The following XRN1 variants were observed in gnomAD, a reference collection of about 807,000 sequenced individuals.
XRN1 encodes 5'-3' exoribonuclease 1.
Under a neutral mutation model 222.3 loss-of-function variants are expected in XRN1, and 67 were observed. The observed-to-expected ratio is 0.30, with a 90% CI of 0.25 to 0.37. XRN1 has a LOEUF of 0.37. Ranked by LOEUF, XRN1 falls within the 10% of genes least tolerant of loss-of-function variation. The pLI, the probability that XRN1 is intolerant of heterozygous loss-of-function variation, is 1.00. For synonymous variants in XRN1, 643 were observed against 652.4 expected (o/e 0.99, Z 0.22); for missense variants, 1,707 against 2,000.2 (o/e 0.85, Z 2.80).
intron 4 of XRN1, 44 bp from the exon 5 acceptor site, chr3:142,425,376 T>C (rs768691682): frequency 1.3e-6 from 2 of 1,583,536 alleles, no homozygotes. Context: ...TGGTATATGC[T>C]TGAGAATATT....
intron 22 of XRN1, among the ~76,000 whole-genome samples, chr3:142,381,091 C>T (rs1352677848): frequency 1.3e-5 from 2 of 149,236 alleles, no homozygotes; most frequent in African/African-American, 4.9e-5. Context: ...TAGAGCGAGA[C>T]TCTGTCTCCA....
chr3:142,366,205 CTAAAAAAATT>C (rs1461195911), intron 27 of XRN1, among the ~76,000 whole-genome samples: 1 of 152,082 alleles, frequency 6.6e-6, no homozygotes, highest in Admixed American at 6.5e-5. Context: ...ACTATTCATA[CTAAAAAAATT>C]TAAAGTTAAT....
intron 2 of XRN1, among the ~76,000 whole-genome samples, chr3:142,431,894 TATATATATTATATATATA>T (rs2069575631): frequency 1.8e-4 from 6 of 32,618 alleles, no homozygotes; most frequent in Non-Finnish European, 2.7e-4. Flanking sequence ...TTATATATAA[TATATATATTATATATATA>T]AATATATATA....
At chr3:142,373,711 GGT>G (rs1224458277) in intron 25 of XRN1, among the ~76,000 whole-genome samples, 1 of 152,190 alleles carries the variant, frequency 6.6e-6, no homozygotes, top group Non-Finnish European at 1.5e-5. Context: ...GGGAAGGCCA[GGT>G]GTTGTGGCTC....
At position 142,447,760 on chromosome 3, in the gene XRN1, T is replaced by C. The variant is rs981007901; in HGVS notation, c.75+110A>G. On this transcript the variant is annotated intron_variant, in intron 1 of 40. Coordinates refer to ENST00000392981, the MANE Select transcript of XRN1 (RefSeq NM_001282857.2). The surrounding 1 kb of genome is among the most constrained non-coding windows in gnomAD (Gnocchi z 4.2). ...TCCCCCTCCCTAATGCCACTAATCG[T>C]CCAGACGACGAGGGGAAAGAGGTGG... 6.2e-6 allele frequency: 8 copies of C among 1,283,272 alleles called. No homozygotes were observed. In the East Asian group the frequency reaches 1.4e-4, roughly 23 times the overall value. 79.5% of individuals were successfully genotyped at this position (1,283,272 alleles called of 1,614,324 possible).
chr3:142,425,471 G>A lies in XRN1; in HGVS notation c.474C>T (p.Asp158=), dbSNP rs148519163. The part of the protein sequence containing the change: ...KYFVNMKIST[D]KSWQGVTIYF... ...AGATGGTAACTCCTTGCCATGACTT[G>A]TCTGTGGAAATTTTCATATTTACAA... Residue 158 remains aspartate (D), a synonymous_variant, in exon 4 of 41, where the codon GAC becomes GAT. Coordinates refer to ENST00000392981, the MANE Select transcript of XRN1 (RefSeq NM_001282857.2). 14 of 1,613,286 alleles carry A rather than the reference G, an allele frequency of 8.7e-6. No individual in the cohort carries two copies. The highest frequency in any genetic ancestry group is 1.7e-4 in the Middle Eastern group (1 of 6,046).
In XRN1 at chr3:142,410,654, CCTG is replaced by C. The variant is rs368227614; in HGVS notation, c.1713+1887_1713+1889del. ...GGACTACAGGTGCCCACCACCACGCCCTGCTAATTTTTGGTATTTTTAGTGGAG... is the reference window on the plus strand; with the variant it reads ...GGACTACAGGTGCCCACCACCACGCCCTAATTTTTGGTATTTTTAGTGGAG... On this transcript the variant is annotated intron_variant, in intron 15 of 40. Coordinates refer to ENST00000392981, the MANE Select transcript of XRN1 (RefSeq NM_001282857.2). Among the ~76,000 whole-genome samples the C allele has an allele frequency of 3.2e-3, 486 of 151,962 alleles. 2 individuals carry two copies. Among genetic ancestry groups the C allele is most frequent in the African/African-American group, 9.6e-3 (400 of 41,454 alleles).
intron 24 of XRN1, chr3:142,376,241 C>T: frequency 1.7e-6 from 1 of 603,418 alleles, no homozygotes; most frequent in Non-Finnish European, 2.8e-6. Context: ...TCACACACAC[C>T]CTCTGATACC....
Position 142,447,924 on chromosome 3 carries a change from G to A in XRN1, c.21C>T (p.Tyr7=). The A allele has an allele frequency of 6.2e-7, 1 of 1,613,948 alleles. No individual in the cohort carries two copies. The highest frequency in any genetic ancestry group is 8.5e-7 in the Non-Finnish European group (1 of 1,179,938). The stretch of plus-strand genomic sequence containing the variant: ...AGGGATACCGCTCTGAGATCCATCT[G>A]TAAAACTTGGGGACTCCCATTTCGA... The part of the protein sequence containing the change: MGVPKF[Y]RWISERYPCL... Residue 7 remains tyrosine, a synonymous_variant, in exon 1 of 41, where the codon TAC becomes TAT. Coordinates refer to ENST00000392981, the MANE Select transcript of XRN1 (RefSeq NM_001282857.2). This position sits in a 1 kb window ranked among gnomAD's most constrained non-coding sequence, Gnocchi z 4.2.
intron 13 of XRN1, among the ~76,000 whole-genome samples, chr3:142,415,228 T>C (rs1244826876): frequency 6.6e-6 from 1 of 152,234 alleles, no homozygotes; most frequent in Non-Finnish European, 1.5e-5. Flanking sequence ...TTATAAAGCT[T>C]TGAACAAACA....
chr3:142,346,530 G>A (rs905169314), intron 33 of XRN1, among the ~76,000 whole-genome samples: 2 of 151,008 alleles, frequency 1.3e-5, no homozygotes, highest in African/African-American at 4.9e-5. Flanking sequence ...CACCCAGGCT[G>A]GAGTGTAGTG....
rs2064981306 is a variant in XRN1, at chr3:142,307,040, A to G, written c.*4471T>C. 1 of 152,626 alleles carries G rather than the reference A, an allele frequency of 6.6e-6. No homozygotes were observed. The highest frequency in any genetic ancestry group is 1.5e-5 in the Non-Finnish European group (1 of 68,040). 9.5% of individuals were successfully genotyped at this position (152,626 alleles called of 1,614,324 possible). A position where few individuals can be genotyped will look rare whatever the true frequency, so the allele number is the denominator to read the frequency against. ...ACACTTCAATGACAGCACAGCATCT[A>G]TTACTCACATTAAACTAGATGAAAA... On this transcript the variant is annotated 3_prime_UTR_variant, in exon 41 of 41. Coordinates refer to ENST00000392981, the MANE Select transcript of XRN1 (RefSeq NM_001282857.2).
chr3:142,401,153 T>C (rs113633804), intron 18 of XRN1, among the ~76,000 whole-genome samples: 1,916 of 152,284 alleles, frequency 0.013, 45 homozygotes, highest in African/African-American at 0.043. Context: ...TTTCAGTTTA[T>C]GGCTGGTGTG....
In XRN1 at chr3:142,356,955, C is replaced by T. The variant is rs781693840; in HGVS notation, c.3629G>A (p.Gly1210Glu). The T allele has an allele frequency of 1.3e-5, 21 of 1,613,940 alleles. No individual in the cohort carries two copies. Among genetic ancestry groups the T allele is most frequent in the Admixed American group, 3.3e-5 (2 of 59,992 alleles). The change falls in exon 31 of 41, where the codon GGA becomes GAA. Residue 1210 changes from glycine to glutamate, a missense_variant. Physicochemically the swap from Gly to Glu is moderately conservative, Grantham distance 98 (BLOSUM62 -2). Around this residue, in one of 2 missense-constraint regions of XRN1, gnomAD observed 1,234 missense variants for 1,518.2 expected, o/e 0.81. Transcript: ENST00000392981. ...TGATTGAGGGGAATGGTTGAGGGCT[C>T]CCAAATGCCCAGAGGAAACTGATGA... ...SSSSVSSGHL[G>E]ALNHSPQSLF... is the part of the protein sequence containing the mutation.
At position 142,349,768 on chromosome 3, in the gene XRN1, C is replaced by T. The variant is rs149065602; in HGVS notation, c.3769-2426G>A. Reference sequence around the variant, plus strand: ...GTTAGGCTGCTTATTAATGCATATGCGTTATACTTGGGATCTCATAATTCT... The same window carrying T: ...GTTAGGCTGCTTATTAATGCATATGTGTTATACTTGGGATCTCATAATTCT... On this transcript the variant is annotated intron_variant, in intron 32 of 40. Coordinates refer to ENST00000392981, the MANE Select transcript of XRN1 (RefSeq NM_001282857.2). Among the ~76,000 whole-genome samples, 922 of 152,050 alleles carry T rather than the reference C, an allele frequency of 6.1e-3. 6 individuals are homozygous for T. The highest frequency in any genetic ancestry group is 0.021 in the African/African-American group (883 of 41,478).
At chr3:142,392,804 T>A (rs558269751) in intron 20 of XRN1, among the ~76,000 whole-genome samples, 1 of 152,072 alleles carries the variant, frequency 6.6e-6, no homozygotes, top group African/African-American at 2.4e-5. Flanking sequence ...TGTGTCTTTA[T>A]AGCAGCATGA....
intron 31 of XRN1, among the ~76,000 whole-genome samples, chr3:142,355,845 T>C (rs901236727): frequency 5.3e-5 from 8 of 152,062 alleles, no homozygotes; most frequent in Non-Finnish European, 1.0e-4. Context: ...GTTGAACTAC[T>C]GCCTCAAGCA....
chr3:142,437,070 GAATA>G (rs1457787638), intron 1 of XRN1, among the ~76,000 whole-genome samples: 2 of 152,098 alleles, frequency 1.3e-5, no homozygotes, highest in African/African-American at 4.8e-5. Flanking sequence ...GAAAGACAAA[GAATA>G]ATTAATCATT....
chr3:142,380,112 G>A lies in XRN1; in HGVS notation c.2685C>T (p.Pro895=), dbSNP rs762389193. Residue 895 remains proline (P), a synonymous_variant, in exon 23 of 41, where the codon CCC becomes CCT. Coordinates refer to ENST00000392981, the MANE Select transcript of XRN1 (RefSeq NM_001282857.2). ...IRVIFSIPCE[P]NLDALIQNQH... is the part of the protein sequence containing the mutation. ...GGTTCTGTATTAAAGCATCAAGATTGGGTTCACATGGAATGCTGAAAATCA... is the reference window on the plus strand; with the variant it reads ...GGTTCTGTATTAAAGCATCAAGATTAGGTTCACATGGAATGCTGAAAATCA... 6.2e-7 allele frequency: 1 copy of A among 1,613,802 alleles called. No homozygotes were observed. Among genetic ancestry groups the A allele is most frequent in the Non-Finnish European group, 8.5e-7 (1 of 1,179,890 alleles).
Sources: gnomAD v4.1 joint callset for allele counts (sites outside exome capture counted in the v4.1 genomes callset) on GRCh38, gnomAD v4.1.1 for gene constraint, gnomAD v4.1.1 regional missense constraint, Gnocchi (gnomAD v3.1) non-coding constraint, MANE v1.5 for transcripts, NCBI Gene and HGNC (gene_info 2026-07-23, HGNC 2026-07-21) for gene names.